IGF1R: variants seen among roughly 807,000 people sequenced by gnomAD.
IGF1R encodes insulin-like growth factor 1 receptor.
A neutral mutation model predicts 144.6 loss-of-function variants in IGF1R; 44 were observed. That is an observed-to-expected ratio of 0.30 (90% CI 0.24 to 0.39). The LOEUF (loss-of-function observed/expected upper bound fraction) is 0.39, where lower values mean the gene tolerates loss of function less well. Among genes scored for constraint, IGF1R ranks in the 10% least tolerant of loss-of-function variants. The pLI, the probability that IGF1R is intolerant of heterozygous loss-of-function variation, is 1.00. For missense variants in IGF1R, 1,355 were observed against 1,833.7 expected, an observed-to-expected ratio of 0.74 and a Z score of 4.77; for synonymous variants, 795 against 722.8, an observed-to-expected ratio of 1.10 and a Z score of -1.60.
At chr15:98,915,838 C>T in intron 8 of IGF1R, 126 bp from the exon 9 acceptor site, 1 of 856,368 alleles carries the variant, frequency 1.2e-6, no homozygotes, top group Non-Finnish European at 2.0e-6. Context: ...CTTTGTATTT[C>T]ATTGTTCATT....
chr15:98,754,591 G>A (rs1013624570), intron 2 of IGF1R, among the ~76,000 whole-genome samples: 14 of 152,160 alleles, frequency 9.2e-5, no homozygotes, highest in African/African-American at 2.9e-4. Context: ...CCTTTGCTGC[G>A]TTCCGAAGCA....
intron 2 of IGF1R, among the ~76,000 whole-genome samples, chr15:98,877,971 G>C (rs2013147711): frequency 6.6e-6 from 1 of 152,206 alleles, no homozygotes; most frequent in South Asian, 2.1e-4. Context: ...GTAGGTTGTT[G>C]AAACATTGCA....
intron 2 of IGF1R, among the ~76,000 whole-genome samples, chr15:98,823,681 G>A (rs2056841477): frequency 6.6e-6 from 1 of 152,198 alleles, no homozygotes; most frequent in South Asian, 2.1e-4. Flanking sequence ...AGGTGTCAGA[G>A]CCATGATTTT....
chr15:98,765,274 A>ATC (rs1055374604), intron 2 of IGF1R, among the ~76,000 whole-genome samples: 7 of 139,558 alleles, frequency 5.0e-5, no homozygotes, highest in South Asian at 2.3e-4. Flanking sequence ...CTTAATGTAT[A>ATC]TCTCTCTCTC....
At chr15:98,902,773 T>C (rs919984269) in intron 5 of IGF1R, among the ~76,000 whole-genome samples, 1 of 152,204 alleles carries the variant, frequency 6.6e-6, no homozygotes, top group South Asian at 2.1e-4. Flanking sequence ...TTCAATAGGA[T>C]GAAAGTTCTG....
Position 98,802,945 on chromosome 15 carries a change from C to T in IGF1R, c.641-88380C>T, listed in dbSNP as rs551481326. Among the ~76,000 whole-genome samples, 61 of 151,920 alleles carry T rather than the reference C, an allele frequency of 4.0e-4. 1 individual carries two copies. The highest frequency in any genetic ancestry group is 3.3e-3 in the Admixed American group (50 of 15,252). On this transcript the variant is annotated intron_variant, in intron 2 of 20. Coordinates refer to ENST00000650285, the MANE Select transcript of IGF1R (RefSeq NM_000875.5). ...AATTGTTTCCATTTTAGGTTGACAC[C>T]GAACTAATGATATTTAAATTGTAGC...
chr15:98,950,883 A>G (rs986416705), intron 20 of IGF1R, among the ~76,000 whole-genome samples: 8 of 152,266 alleles, frequency 5.3e-5, no homozygotes, highest in Non-Finnish European at 1.0e-4. Flanking sequence ...TAATCAAACA[A>G]TCAAGGTGCT....
At chr15:98,862,982 A>C (rs1018603928) in intron 2 of IGF1R, among the ~76,000 whole-genome samples, 1 of 152,128 alleles carries the variant, frequency 6.6e-6, no homozygotes, top group East Asian at 1.9e-4. Flanking sequence ...CTGAATTCGG[A>C]TTTCACTATT....
chr15:98,957,133 C>G lies in IGF1R; in HGVS notation c.3795C>G (p.Ser1265Arg). 9.3e-6 allele frequency: 15 copies of G among 1,614,218 alleles called. No homozygotes were observed. The highest frequency in any genetic ancestry group is 1.3e-5 in the Non-Finnish European group (15 of 1,180,028). ...MRPSFLEIIS[S>R]IKEEMEPGFR... ...CTTCCTTCCTGGAGATCATCAGCAG[C>G]ATCAAAGAGGAGATGGAGCCTGGCT... The change falls in exon 21 of 21, where the codon AGC (serine) becomes AGG (arginine). Residue 1265 changes from serine to arginine, a missense_variant. Around this residue, in one of 7 missense-constraint regions of IGF1R, gnomAD observed 219 missense variants for 188.8 expected, o/e 1.16. Transcript: ENST00000650285.
At chr15:98,719,066 A>G (rs1433982036) in intron 2 of IGF1R, among the ~76,000 whole-genome samples, 1 of 152,238 alleles carries the variant, frequency 6.6e-6, no homozygotes, top group African/African-American at 2.4e-5. Flanking sequence ...GGATGTAAGG[A>G]TATATTTTTG....
At chr15:98,668,596 A>T (rs1180797572) in intron 1 of IGF1R, among the ~76,000 whole-genome samples, 1 of 152,050 alleles carries the variant, frequency 6.6e-6, no homozygotes, top group Non-Finnish European at 1.5e-5. Context: ...ATTTTATATG[A>T]CCCCATTTCT....
intron 2 of IGF1R, among the ~76,000 whole-genome samples, chr15:98,876,871 A>C (rs1313882370): frequency 1.3e-5 from 2 of 152,184 alleles, no homozygotes; most frequent in Admixed American, 1.3e-4. Context: ...TTTACTTTGA[A>C]AGTCTAGTTG....
At chr15:98,923,836 G>A (rs950703709) in intron 11 of IGF1R, 40 bp from the exon 12 acceptor site, 8 of 1,600,928 alleles carry the variant, frequency 5.0e-6, no homozygotes, top group Non-Finnish European at 6.0e-6. Context: ...CCCTCCCTGG[G>A]AACCCAAATC....
chr15:98,668,901 A>C (rs1460108321), intron 1 of IGF1R, among the ~76,000 whole-genome samples: 1 of 152,226 alleles, frequency 6.6e-6, no homozygotes, highest in Non-Finnish European at 1.5e-5. Flanking sequence ...CAGAGCCCTC[A>C]GTAGTACTTT....
intron 2 of IGF1R, among the ~76,000 whole-genome samples, chr15:98,752,075 T>C (rs929609018): frequency 7.9e-5 from 12 of 152,194 alleles, no homozygotes; most frequent in Admixed American, 2.6e-4. Context: ...CAGTATGGGT[T>C]CTTTGCGTGC....
At chr15:98,738,345 A>C (rs1479465575) in intron 2 of IGF1R, among the ~76,000 whole-genome samples, 5 of 152,130 alleles carry the variant, frequency 3.3e-5, no homozygotes, top group Admixed American at 1.3e-4. Flanking sequence ...GCCTAGCTTG[A>C]AGATCTTTCT....
intron 2 of IGF1R, among the ~76,000 whole-genome samples, chr15:98,829,022 T>TA: frequency 6.6e-6 from 1 of 152,258 alleles, no homozygotes; most frequent in East Asian, 1.9e-4. Context: ...TCTAATTCAT[T>TA]AAAAAAGTCC....
intron 4 of IGF1R, chr15:98,897,575 T>G (rs570378089): frequency 1.3e-5 from 2 of 153,014 alleles, no homozygotes; most frequent in South Asian, 2.1e-4. Context: ...TTTTGTGTGT[T>G]TGTTTTTTGG....
At chr15:98,840,672 G>GT (rs1425889207) in intron 2 of IGF1R, among the ~76,000 whole-genome samples, 1 of 136,420 alleles carries the variant, frequency 7.3e-6, no homozygotes, top group African/African-American at 2.7e-5. Context: ...TTTGTTTTTT[G>GT]TTTTGTTTTT....
Sources: allele counts gnomAD v4.1 joint callset (sites outside exome capture counted in the v4.1 genomes callset), GRCh38; gene constraint gnomAD v4.1.1; regional missense constraint gnomAD v4.1.1; transcripts MANE v1.5; gene names NCBI Gene and HGNC (gene_info 2026-07-23, HGNC 2026-07-21).